The following SUSD1 variants were observed in gnomAD, a reference collection of about 807,000 sequenced individuals.
SUSD1 encodes the protein sushi domain containing 1.
A neutral mutation model predicts 86.9 loss-of-function variants in SUSD1; 65 were observed. The ratio of observed to expected loss-of-function variants is 0.75; its 90% CI spans 0.61 to 0.92. The LOEUF is 0.92. SUSD1 is among the 40% of genes least tolerant of loss of function. The pLI is 0.00. For missense variants in SUSD1, 850 were observed against 929.7 expected (o/e 0.91, Z 1.11); for synonymous variants, 346 against 350.0 (o/e 0.99, Z 0.13).
At chr9:112,148,975 C>A (rs1320713116) in intron 3 of SUSD1, among the ~76,000 whole-genome samples, 1 of 151,578 alleles carries the variant, frequency 6.6e-6, no homozygotes, top group Admixed American at 6.6e-5. Context: ...CTCCCATAGA[C>A]CCACATCCCC....
At chr9:112,056,195 G>A (rs10981238) in intron 14 of SUSD1, among the ~76,000 whole-genome samples, 38,238 of 151,924 alleles carry the variant, frequency 0.25, 6,940 homozygotes, top group African/African-American at 0.52. Context: ...TGAGCCCCGG[G>A]GGTTGAGGCT....
intron 2 of SUSD1, among the ~76,000 whole-genome samples, chr9:112,153,498 A>C (rs758701628): frequency 2.6e-5 from 4 of 152,140 alleles, no homozygotes; most frequent in Non-Finnish European, 4.4e-5. Context: ...TTAGTAGTTA[A>C]GTTTTTTTTA....
intron 12 of SUSD1, among the ~76,000 whole-genome samples, chr9:112,067,328 C>T (rs1016787101): frequency 6.6e-6 from 1 of 152,250 alleles, no homozygotes; most frequent in Non-Finnish European, 1.5e-5. Flanking sequence ...CCTGTGGTGA[C>T]ACCACGTGTG....
intron 11 of SUSD1, among the ~76,000 whole-genome samples, chr9:112,079,235 ATAT>A (rs140406565): frequency 0.011 from 1,667 of 152,188 alleles, 10 homozygotes; most frequent in Non-Finnish European, 0.016. Flanking sequence ...TGTACTTAAA[ATAT>A]TATTTGTATA....
At chr9:112,125,899 G>A (rs1831753726) in intron 5 of SUSD1, among the ~76,000 whole-genome samples, 1 of 152,158 alleles carries the variant, frequency 6.6e-6, no homozygotes, top group African/African-American at 2.4e-5. Context: ...TTCCAGGAGG[G>A]AGGTTTCCCA....
At chr9:112,152,506 A>T (rs921716082) in intron 2 of SUSD1, among the ~76,000 whole-genome samples, 16 of 149,628 alleles carry the variant, frequency 1.1e-4, no homozygotes, top group African/African-American at 3.9e-4. Context: ...AGCTCAAGTG[A>T]TTCTCCCACC....
At chr9:112,042,066 C>T (rs1338096329) in intron 15 of SUSD1, 106 bp from the exon 16 acceptor site, 4 of 1,552,130 alleles carry the variant, frequency 2.6e-6, no homozygotes, top group African/African-American at 2.7e-5. Flanking sequence ...AGCTTGGCCC[C>T]ATTTAACAAA....
At chr9:112,045,771 C>T (rs1373953704) in intron 15 of SUSD1, among the ~76,000 whole-genome samples, 1 of 152,206 alleles carries the variant, frequency 6.6e-6, no homozygotes, top group Admixed American at 6.5e-5. Flanking sequence ...CCATTTTCTT[C>T]AAGGTTTATT....
intron 1 of SUSD1, among the ~76,000 whole-genome samples, chr9:112,170,936 C>T (rs1339401377): frequency 6.6e-6 from 1 of 152,100 alleles, no homozygotes; most frequent in Non-Finnish European, 1.5e-5. Flanking sequence ...TGGTCTCGAA[C>T]TCCTGACCCC....
At chr9:112,073,020 T>G (rs1246545821) in intron 12 of SUSD1, among the ~76,000 whole-genome samples, 1 of 152,184 alleles carries the variant, frequency 6.6e-6, no homozygotes, top group Non-Finnish European at 1.5e-5. Context: ...TAACCAACCA[T>G]GAAAGAGAAG....
chr9:112,169,283 T>G (rs950313693), intron 1 of SUSD1: 1 of 152,234 alleles, frequency 6.6e-6, no homozygotes, highest in Non-Finnish European at 1.5e-5. Flanking sequence ...GAACTCTCAG[T>G]TGGGCTGGTC....
chr9:112,068,068 TGGGGGAGAC>T (rs1026595247), intron 12 of SUSD1, among the ~76,000 whole-genome samples: 8 of 152,114 alleles, frequency 5.3e-5, no homozygotes, highest in African/African-American at 1.9e-4. Flanking sequence ...TGTGCTAGGC[TGGGGGAGAC>T]AAGCACAGAA....
At chr9:112,063,230 C>T (rs975513486) in intron 12 of SUSD1, among the ~76,000 whole-genome samples, 197 bp from the exon 13 acceptor site, 8 of 152,056 alleles carry the variant, frequency 5.3e-5, no homozygotes, top group Non-Finnish European at 1.0e-4. Flanking sequence ...TCTATCATTC[C>T]ACTTAGATGA....
intron 6 of SUSD1, among the ~76,000 whole-genome samples, chr9:112,120,275 C>T (rs1002122474): frequency 6.6e-6 from 1 of 152,098 alleles, no homozygotes; most frequent in African/African-American, 2.4e-5. Flanking sequence ...GCACTTCAAC[C>T]TGGGTGACAG....
intron 13 of SUSD1, among the ~76,000 whole-genome samples, chr9:112,060,513 G>A (rs546292332): frequency 6.6e-6 from 1 of 152,308 alleles, no homozygotes; most frequent in Non-Finnish European, 1.5e-5. Context: ...GCTGGGGGAA[G>A]TTGTTGCACG....
chr9:112,138,271 A>G (rs1470384067), intron 5 of SUSD1, among the ~76,000 whole-genome samples: 1 of 131,542 alleles, frequency 7.6e-6, no homozygotes, highest in Non-Finnish European at 1.6e-5. Context: ...ATATACATAT[A>G]TATATATATG....
chr9:112,159,948 C>T (rs1232038253), intron 1 of SUSD1, among the ~76,000 whole-genome samples: 1 of 151,056 alleles, frequency 6.6e-6, no homozygotes, highest in Non-Finnish European at 1.5e-5. Context: ...AAAACAGCAG[C>T]ATGGTTAGCA....
intron 12 of SUSD1, among the ~76,000 whole-genome samples, chr9:112,074,051 T>C (rs1007803179): frequency 6.6e-6 from 1 of 152,042 alleles, no homozygotes; most frequent in Admixed American, 6.5e-5. Flanking sequence ...ACCCCATCTC[T>C]ACTAAACATA....
intron 1 of SUSD1, among the ~76,000 whole-genome samples, chr9:112,166,425 T>G (rs961970668): frequency 6.6e-6 from 1 of 152,216 alleles, no homozygotes; most frequent in Middle Eastern, 3.4e-3. Context: ...TCTGATTCAG[T>G]AGGGGAGAGG....
Sources: gnomAD v4.1 joint callset for allele counts (sites outside exome capture counted in the v4.1 genomes callset) on GRCh38, gnomAD v4.1.1 for gene constraint, MANE v1.5 for transcripts, NCBI Gene and HGNC (gene_info 2026-07-23, HGNC 2026-07-21) for gene names.